TMEM223: variants seen among roughly 807,000 people sequenced by gnomAD.
The protein encoded by TMEM223 is transmembrane protein 223.
Under a neutral mutation model 14.1 loss-of-function variants are expected in TMEM223, and 14 were observed. That is an observed-to-expected ratio of 0.99 (90% confidence interval 0.66 to 1.55). The LOEUF (loss-of-function observed/expected upper bound fraction) is 1.55. TMEM223 is among the 40% of genes most tolerant of loss of function. TMEM223 has a pLI of 0.00. For synonymous variants in TMEM223, 145 were observed against 120.5 expected (o/e 1.20, Z -1.33); for missense variants, 346 against 269.9 (o/e 1.28, Z -1.97).
At chr11:62,776,119 C>G (rs998202769) in intron 1 of TMEM223, among the ~76,000 whole-genome samples, 59 of 152,214 alleles carry the variant, frequency 3.9e-4, no homozygotes, top group African/African-American at 1.3e-3. Flanking sequence ...TGCCAGGCAT[C>G]TTCCCATGTG....
intron 1 of TMEM223, among the ~76,000 whole-genome samples, chr11:62,776,953 C>T (rs905313717): frequency 6.6e-6 from 1 of 151,828 alleles, no homozygotes; most frequent in African/African-American, 2.4e-5. Context: ...TTGAGACCAA[C>T]CTGCCCAACA....
chr11:62,782,224 G>A, intron 1 of TMEM223: 1 of 1,614,198 alleles, frequency 6.2e-7, no homozygotes, highest in Non-Finnish European at 8.5e-7. Flanking sequence ...CTGTCTGGTG[G>A]GCAGTGTCCT....
At chr11:62,777,030 CCA>C (rs2084193264) in intron 1 of TMEM223, among the ~76,000 whole-genome samples, 1 of 151,668 alleles carries the variant, frequency 6.6e-6, no homozygotes, top group African/African-American at 2.4e-5. Context: ...GCCTGTAACC[CCA>C]GTTACTCAGG....
In TMEM223 at chr11:62,791,593, G is replaced by C. The variant is rs907986729; in HGVS notation, c.316+86C>G. 2.8e-4 allele frequency: 382 copies of C among 1,388,658 alleles called. 1 individual carries two copies. Among genetic ancestry groups the C allele is most frequent in the Non-Finnish European group, 3.4e-4 (356 of 1,055,334 alleles). 86.0% of individuals were successfully genotyped at this position (1,388,658 alleles called of 1,614,324 possible). On this transcript the variant is annotated intron_variant, in intron 1 of 1. Transcript: ENST00000307366. ...AGCCCGCCCGCCACTCTCGGATAGG[G>C]AGTCCCTGACTCTCCCTGCCTGTAT...
At chr11:62,772,020 A>G (rs1282094320) in exon 3 of TMEM223, 1 of 448,176 alleles carries the variant, frequency 2.2e-6, no homozygotes, top group Non-Finnish European at 4.5e-6. Flanking sequence ...TATAGAGTAA[A>G]GATTAGGAGC....
rs1294863206 is a variant in TMEM223 at position 62,790,773 on chromosome 11, C to T, written c.459G>A (p.Gln153=). 1 of 1,609,290 alleles carries T rather than the reference C, an allele frequency of 6.2e-7. No homozygotes were observed. The highest frequency in any genetic ancestry group is 2.2e-5 in the East Asian group (1 of 44,694). The stretch of plus-strand genomic sequence containing the variant: ...CACCCCGGTGGGCCATGCAAGATAC[C>T]TGCTTCAAAGGAACTGTGAAATGGG... The part of the protein sequence containing the change: ...LGAHFTVPLK[Q]VSCMAHRGEV... The change falls in exon 2 of 2, where the codon CAG becomes CAA. Residue 153 remains glutamine, a synonymous_variant. Coordinates refer to ENST00000307366, the MANE Select transcript of TMEM223 (RefSeq NM_001080501.3).
chr11:62,782,472 G>A (rs1264043038), intron 1 of TMEM223: 1 of 1,056,550 alleles, frequency 9.5e-7, no homozygotes, highest in Non-Finnish European at 1.4e-6. Flanking sequence ...CCTAGCTGGT[G>A]TGCTGTGACA....
At chr11:62,771,974 C>T (rs2084151492) in exon 3 of TMEM223, 1 of 388,550 alleles carries the variant, frequency 2.6e-6, no homozygotes, top group African/African-American at 2.1e-5. Flanking sequence ...GGATCCAGGC[C>T]TTGTTCCCCA....
exon 3 of TMEM223, chr11:62,772,111 C>T (rs1168235758): frequency 4.4e-6 from 2 of 456,094 alleles, no homozygotes; most frequent in Non-Finnish European, 8.8e-6. Flanking sequence ...AACATTTAGC[C>T]TCTGAGGTTT....
downstream of TMEM223, chr11:62,782,512 A>G: frequency 9.5e-7 from 1 of 1,054,406 alleles, no homozygotes; most frequent in East Asian, 2.5e-5. Flanking sequence ...GATTACAAAT[A>G]CGCCAAGGTA....
At chr11:62,777,714 G>A (rs2084197235) in intron 1 of TMEM223, among the ~76,000 whole-genome samples, 1 of 152,208 alleles carries the variant, frequency 6.6e-6, no homozygotes. Flanking sequence ...TGAATAAGGA[G>A]GACCAGTGCT....
chr11:62,788,917 T>C, downstream of TMEM223: 1 of 1,273,532 alleles, frequency 7.9e-7, no homozygotes, highest in Non-Finnish European at 1.1e-6. Flanking sequence ...CACAAATAAC[T>C]TCCTGGAATG....
At chr11:62,771,999 C>T in exon 3 of TMEM223, 2 of 416,578 alleles carry the variant, frequency 4.8e-6, no homozygotes, top group Admixed American at 5.7e-5. Flanking sequence ...GCTGGCGGCT[C>T]CTGAATGCGG....
downstream of TMEM223, among the ~76,000 whole-genome samples, chr11:62,785,195 C>CTT (rs770648187): frequency 7.2e-6 from 1 of 138,514 alleles, no homozygotes; most frequent in Non-Finnish European, 1.6e-5. Flanking sequence ...ATTTTCTTTC[C>CTT]TTTTTTTTTT....
chr11:62,790,049 G>A lies in TMEM223; in HGVS notation c.*574C>T. The A allele has an allele frequency of 2.5e-6, 4 of 1,603,982 alleles. No individual in the cohort carries two copies. The highest frequency in any genetic ancestry group is 3.4e-6 in the Non-Finnish European group (4 of 1,174,442). Reference sequence around the variant, plus strand: ...GGGTCACGCCTTTCCCATTCCTGAAGAATAAGCGGAGTGCTTCCTGCAGCC... The same window carrying A: ...GGGTCACGCCTTTCCCATTCCTGAAAAATAAGCGGAGTGCTTCCTGCAGCC... On this transcript the variant is annotated 3_prime_UTR_variant, in exon 2 of 2. Transcript: ENST00000307366.
intron 1 of TMEM223, among the ~76,000 whole-genome samples, chr11:62,779,295 T>C (rs1400567928): frequency 2.6e-5 from 4 of 151,772 alleles, no homozygotes; most frequent in East Asian, 1.9e-4. Context: ...CCTGGGTTCA[T>C]GCCATTCTCC....
At chr11:62,775,822 TC>T in intron 1 of TMEM223, 1 of 1,612,568 alleles carries the variant, frequency 6.2e-7, no homozygotes, top group East Asian at 2.2e-5. Context: ...TGGAGATCCC[TC>T]GGGAGTCTGT....
In TMEM223 at chr11:62,790,191, C is replaced by T; in HGVS notation, c.*432G>A. 1.1e-6 allele frequency: 1 copy of T among 874,530 alleles called. No individual in the cohort carries two copies. Among genetic ancestry groups the T allele is most frequent in the Non-Finnish European group, 1.7e-6 (1 of 596,074 alleles). The allele number at this position is 874,530 out of a possible 1,614,324, so 54.2% of individuals were successfully genotyped here. A position where few individuals can be genotyped will look rare whatever the true frequency, so the allele number is the denominator to read the frequency against. ...GGAAACATAATGACAGGCCCCCCTC[C>T]ACCTCTTCCTGCAGCTGTTTTTGTA... On this transcript the variant is annotated 3_prime_UTR_variant, in exon 2 of 2. Transcript: ENST00000307366.
intron 1 of TMEM223, chr11:62,775,937 T>A (rs765112098): frequency 6.3e-7 from 1 of 1,598,318 alleles, no homozygotes; most frequent in Non-Finnish European, 8.5e-7. Flanking sequence ...GCAGGTACAC[T>A]CCCCTCACCC....
Sources: gnomAD v4.1 joint callset for allele counts (sites outside exome capture counted in the v4.1 genomes callset) on GRCh38, gnomAD v4.1.1 for gene constraint, MANE v1.5 for transcripts, NCBI Gene and HGNC (gene_info 2026-07-23, HGNC 2026-07-21) for gene names.